Variants in LUZP2 observed in about 807,000 individuals in gnomAD.
LUZP2 encodes leucine zipper protein 2.
Under a neutral mutation model 51.6 loss-of-function variants are expected in LUZP2, and 52 were observed. The observed-to-expected ratio is 1.01, with a 90% CI of 0.81 to 1.27. LUZP2 has a LOEUF of 1.27. LUZP2 is among the 50% of genes most tolerant of loss of function. LUZP2 has a pLI of 0.00. For synonymous variants in LUZP2, 154 were observed against 137.3 expected (o/e 1.12, Z -0.85); for missense variants, 436 against 395.4 (o/e 1.10, Z -0.87).
At chr11:24,769,618 T>C (rs1308567729) in intron 5 of LUZP2, among the ~76,000 whole-genome samples, 3 of 151,608 alleles carry the variant, frequency 2.0e-5, no homozygotes, top group Non-Finnish European at 2.9e-5. Context: ...AGTCAGTAGA[T>C]AGACATGGAA....
intron 5 of LUZP2, among the ~76,000 whole-genome samples, chr11:24,842,416 A>G (rs17307243): frequency 6.6e-6 from 1 of 151,828 alleles, no homozygotes; most frequent in African/African-American, 2.4e-5. Context: ...CTTGAAAGGC[A>G]TTGCATGAAT....
intron 9 of LUZP2, among the ~76,000 whole-genome samples, chr11:25,018,009 A>G (rs1857206227): frequency 6.8e-6 from 1 of 147,264 alleles, no homozygotes; most frequent in Middle Eastern, 3.3e-3. Context: ...TTGATTAAGT[A>G]TATCCCTAGG....
intron 1 of LUZP2, among the ~76,000 whole-genome samples, chr11:24,617,693 C>T (rs1854335597): frequency 6.6e-6 from 1 of 151,920 alleles, no homozygotes; most frequent in Non-Finnish European, 1.5e-5. Flanking sequence ...TAGTGGAGGG[C>T]ACCTGTAGTC....
intron 5 of LUZP2, among the ~76,000 whole-genome samples, chr11:24,877,115 A>G (rs1341950625): frequency 6.6e-6 from 1 of 152,196 alleles, no homozygotes; most frequent in Non-Finnish European, 1.5e-5. Context: ...AATATGTAAT[A>G]CTATAATGTG....
chr11:24,915,956 A>G (rs1363003617), intron 7 of LUZP2, among the ~76,000 whole-genome samples: 1 of 152,078 alleles, frequency 6.6e-6, no homozygotes, highest in African/African-American at 2.4e-5. Context: ...TCCCCTTAGG[A>G]TATGTTCAAT....
In LUZP2 at chr11:24,598,193, G is replaced by C. The variant is rs186272658; in HGVS notation, c.62+100888G>C. ...GTTGGATTGTGCCCTGTAGATGACAGAATTGTTGGACCATCCCCTGGGAAT... is the reference window on the plus strand; with the variant it reads ...GTTGGATTGTGCCCTGTAGATGACACAATTGTTGGACCATCCCCTGGGAAT... On this transcript the variant is annotated intron_variant, in intron 1 of 11. Coordinates refer to ENST00000336930, the MANE Select transcript of LUZP2 (RefSeq NM_001009909.4). Among the ~76,000 whole-genome samples the C allele has an allele frequency of 4.0e-3, 602 of 151,856 alleles. 20 individuals carry two copies. The highest frequency in any genetic ancestry group is 0.038 in the Admixed American group (572 of 15,248).
chr11:24,963,940 A>T (rs1481008007), intron 7 of LUZP2, among the ~76,000 whole-genome samples: 3 of 152,096 alleles, frequency 2.0e-5, no homozygotes, highest in Non-Finnish European at 4.4e-5. Flanking sequence ...TCTTAAATTG[A>T]CTATTGTAGA....
At chr11:24,915,492 A>G (rs1362799832) in intron 7 of LUZP2, among the ~76,000 whole-genome samples, 2 of 152,120 alleles carry the variant, frequency 1.3e-5, no homozygotes, top group Non-Finnish European at 2.9e-5. Flanking sequence ...GTTTTTCGAG[A>G]AGATTCTCCA....
intron 1 of LUZP2, among the ~76,000 whole-genome samples, chr11:24,549,894 T>C (rs1018799904): frequency 2.6e-5 from 4 of 152,058 alleles, no homozygotes; most frequent in African/African-American, 9.7e-5. Context: ...CAATAAAATA[T>C]AAAGAAATAA....
intron 1 of LUZP2, among the ~76,000 whole-genome samples, chr11:24,540,512 C>T (rs965302379): frequency 1.3e-5 from 2 of 152,068 alleles, no homozygotes; most frequent in Non-Finnish European, 2.9e-5. Flanking sequence ...AGAAAGTGCC[C>T]TCTCACCTGG....
chr11:24,579,764 A>G (rs879301721), intron 1 of LUZP2, among the ~76,000 whole-genome samples: 3 of 152,134 alleles, frequency 2.0e-5, no homozygotes, highest in Non-Finnish European at 4.4e-5. Context: ...AGATATATAC[A>G]TTGCAAACCT....
At chr11:24,736,056 T>C (rs1858924843) in intron 3 of LUZP2, among the ~76,000 whole-genome samples, 1 of 151,936 alleles carries the variant, frequency 6.6e-6, no homozygotes, top group African/African-American at 2.4e-5. Flanking sequence ...TGCCTGATAG[T>C]GTTCTTTGGC....
At chr11:24,856,625 TTG>T (rs1851575478) in intron 5 of LUZP2, among the ~76,000 whole-genome samples, 1 of 152,110 alleles carries the variant, frequency 6.6e-6, no homozygotes, top group Admixed American at 6.5e-5. Flanking sequence ...ATACTTGTAC[TTG>T]TATGTTTATC....
intron 1 of LUZP2, among the ~76,000 whole-genome samples, chr11:24,704,115 TTCTC>T (rs35525684): frequency 2.0e-5 from 3 of 150,790 alleles, no homozygotes; most frequent in South Asian, 2.1e-4. Flanking sequence ...TACACATTCA[TTCTC>T]TCTCTCTCTC....
chr11:24,711,313 G>A (rs1179530968), intron 1 of LUZP2, among the ~76,000 whole-genome samples: 7 of 152,076 alleles, frequency 4.6e-5, no homozygotes, highest in South Asian at 2.1e-4. Flanking sequence ...AGCCGGGTGT[G>A]GCGGCGGGTG....
At chr11:24,543,823 CAAAAAAAAA>C (rs71041774) in intron 1 of LUZP2, among the ~76,000 whole-genome samples, 4 of 75,600 alleles carry the variant, frequency 5.3e-5, no homozygotes, top group Non-Finnish European at 6.6e-5. Context: ...CTCTGTCTCA[CAAAAAAAAA>C]AAAAAAAAAA....
chr11:24,628,404 C>T (rs1245753799), intron 1 of LUZP2, among the ~76,000 whole-genome samples: 2 of 152,040 alleles, frequency 1.3e-5, no homozygotes, highest in South Asian at 2.1e-4. Flanking sequence ...TTTATAGAGG[C>T]CCACTCACAG....
At chr11:24,528,411 T>C (rs1429976193) in intron 1 of LUZP2, among the ~76,000 whole-genome samples, 1 of 151,302 alleles carries the variant, frequency 6.6e-6, no homozygotes, top group Non-Finnish European at 1.5e-5. Flanking sequence ...AGCAGGATTA[T>C]TTGGATTATA....
At chr11:24,841,391 TACGCC>T (rs1851027980) in intron 5 of LUZP2, among the ~76,000 whole-genome samples, 2 of 152,220 alleles carry the variant, frequency 1.3e-5, no homozygotes, top group Admixed American at 1.3e-4. Flanking sequence ...GTTTGTTGCT[TACGCC>T]ACCTGGTCTA....
Sources: gnomAD v4.1 joint callset for allele counts (sites outside exome capture counted in the v4.1 genomes callset) on GRCh38, gnomAD v4.1.1 for gene constraint, MANE v1.5 for transcripts, NCBI Gene and HGNC (gene_info 2026-07-23, HGNC 2026-07-21) for gene names.